The following CHN2 variants were observed in gnomAD, a reference collection of about 807,000 sequenced individuals.
The protein encoded by CHN2 is chimerin 2.
CHN2 carries 35 observed loss-of-function variants against 56.3 expected under a neutral mutation model. That is an observed-to-expected ratio of 0.62 (90% CI 0.47 to 0.82). The LOEUF (loss-of-function observed/expected upper bound fraction) is 0.82, where lower values mean the gene tolerates loss of function less well. Ranked by LOEUF, CHN2 falls within the 40% of genes least tolerant of loss-of-function variation. CHN2 has a pLI of 0.00. For missense variants in CHN2, 491 were observed against 580.5 expected (o/e 0.85, Z 1.58); for synonymous variants, 210 against 212.8 (o/e 0.99, Z 0.12).
At chr7:29,326,840 G>C (rs1225174952) in intron 1 of CHN2, among the ~76,000 whole-genome samples, 1 of 152,174 alleles carries the variant, frequency 6.6e-6, no homozygotes, top group Non-Finnish European at 1.5e-5. Context: ...GGATGAATAT[G>C]TACTGATAAT....
chr7:29,491,874 A>AT (rs908283292), intron 7 of CHN2, among the ~76,000 whole-genome samples: 4 of 152,008 alleles, frequency 2.6e-5, no homozygotes, highest in Non-Finnish European at 5.9e-5. Context: ...CTTCCATGTC[A>AT]TTTTTTTACC....
intron 6 of CHN2, among the ~76,000 whole-genome samples, chr7:29,451,542 A>G (rs1418235766): frequency 6.6e-6 from 1 of 151,896 alleles, no homozygotes; most frequent in African/African-American, 2.4e-5. Flanking sequence ...CAATGTTTTT[A>G]AAATAAATTT....
intron 6 of CHN2, among the ~76,000 whole-genome samples, chr7:29,469,920 G>A (rs1785888005): frequency 6.6e-6 from 1 of 152,156 alleles, no homozygotes; most frequent in South Asian, 2.1e-4. Context: ...AAGAGAGAAA[G>A]GAAGGAAGCA....
At chr7:29,171,355 G>C (rs1041855037) in intron 2 of CHN2, among the ~76,000 whole-genome samples, 1 of 152,120 alleles carries the variant, frequency 6.6e-6, no homozygotes, top group African/African-American at 2.4e-5. Flanking sequence ...GATTCTGTGG[G>C]GATACAAACC....
At chr7:29,391,704 G>A (rs1370611447) in intron 3 of CHN2, among the ~76,000 whole-genome samples, 5 of 152,166 alleles carry the variant, frequency 3.3e-5, no homozygotes, top group African/African-American at 7.2e-5. Context: ...TTCTCCTTAA[G>A]CGTTTCCCTC....
At chr7:29,161,467 G>A (rs1297009118) in intron 2 of CHN2, among the ~76,000 whole-genome samples, 10 of 151,874 alleles carry the variant, frequency 6.6e-5, no homozygotes, top group African/African-American at 1.2e-4. Context: ...TACTTATCTC[G>A]AACCCCACAT....
At chr7:29,305,118 C>G (rs1443119834) in intron 1 of CHN2, among the ~76,000 whole-genome samples, 1 of 152,132 alleles carries the variant, frequency 6.6e-6, no homozygotes, top group East Asian at 1.9e-4. Flanking sequence ...GGAAGGAGCT[C>G]TAAACAGCCA....
At chr7:29,211,682 A>T (rs1010205051) in intron 1 of CHN2, among the ~76,000 whole-genome samples, 1 of 152,172 alleles carries the variant, frequency 6.6e-6, no homozygotes, top group Admixed American at 6.5e-5. Flanking sequence ...AACTCCAAAG[A>T]TGTAGCAGAT....
At chr7:29,395,976 G>C (rs1801703886) in intron 4 of CHN2, among the ~76,000 whole-genome samples, 1 of 152,000 alleles carries the variant, frequency 6.6e-6, no homozygotes, top group African/African-American at 2.4e-5. Context: ...AACAATAAAT[G>C]CTTGAGGTGA....
At chr7:29,302,230 C>G (rs915209375) in intron 1 of CHN2, among the ~76,000 whole-genome samples, 3 of 152,084 alleles carry the variant, frequency 2.0e-5, no homozygotes, top group African/African-American at 7.2e-5. Context: ...ACCGCTGCTG[C>G]TGCAGCTACT....
chr7:29,227,305 CA>C (rs996954916), intron 1 of CHN2, among the ~76,000 whole-genome samples: 4 of 152,136 alleles, frequency 2.6e-5, no homozygotes, highest in African/African-American at 7.2e-5. Flanking sequence ...GTCACTTTCC[CA>C]ACTCAGTGAT....
intron 7 of CHN2, chr7:29,483,774 G>A (rs1259211644): frequency 1.7e-6 from 2 of 1,144,202 alleles, no homozygotes; most frequent in African/African-American, 1.6e-5. Flanking sequence ...CAACCCCAGA[G>A]GCCCGGCAGT....
At chr7:29,501,094 T>A (rs920665376) in intron 9 of CHN2, among the ~76,000 whole-genome samples, 1 of 127,288 alleles carries the variant, frequency 7.9e-6, no homozygotes, top group African/African-American at 3.1e-5. Flanking sequence ...ATTTTATACA[T>A]ATATATTCAT....
chr7:29,275,514 AAT>A (rs1400573372), intron 1 of CHN2, among the ~76,000 whole-genome samples: 1 of 152,244 alleles, frequency 6.6e-6, no homozygotes, highest in Non-Finnish European at 1.5e-5. Context: ...AAAATAAATG[AAT>A]ATATAATAAC....
At chr7:29,278,996 TC>T (rs1554389349) in intron 1 of CHN2, among the ~76,000 whole-genome samples, 11 of 76,180 alleles carry the variant, frequency 1.4e-4, no homozygotes, top group African/African-American at 2.9e-4. Context: ...GGTCCAGCTG[TC>T]CCCCCCCAAC....
At position 29,220,414 on chromosome 7, in the gene CHN2, G is replaced by A. The variant is rs374653998; in HGVS notation, c.49+25424G>A. Among the ~76,000 whole-genome samples the A allele has an allele frequency of 1.5e-3, 232 of 151,750 alleles. 1 individual carries two copies. Among genetic ancestry groups the A allele is most frequent in the African/African-American group, 5.3e-3 (218 of 41,382 alleles). On this transcript the variant is annotated intron_variant, in intron 1 of 12. Transcript: ENST00000222792. ...GATTAATATAATTGATACATCTCTA[G>A]CAAACCAATCAAGGAAAAAAGAAGA...
chr7:29,321,311 A>T (rs985045780), intron 1 of CHN2, among the ~76,000 whole-genome samples: 30 of 152,266 alleles, frequency 2.0e-4, no homozygotes, highest in Non-Finnish European at 4.3e-4. Flanking sequence ...ATAGAGTGAA[A>T]ATGGAGACTC....
In CHN2 at chr7:29,513,998, AGAT is replaced by A. The variant is rs1380665828; in HGVS notation, c.*1267_*1269del. 1 of 152,644 alleles carries A rather than the reference AGAT, an allele frequency of 6.6e-6. No homozygotes were observed. The highest frequency in any genetic ancestry group is 1.5e-5 in the Non-Finnish European group (1 of 68,042). The allele number at this position is 152,644 out of a possible 1,614,324, so 9.5% of individuals were successfully genotyped here. A position where few individuals can be genotyped will look rare whatever the true frequency, so the allele number is the denominator to read the frequency against. On this transcript the variant is annotated 3_prime_UTR_variant, in exon 13 of 13. Coordinates refer to ENST00000222792, the MANE Select transcript of CHN2 (RefSeq NM_004067.4). Reference sequence around the variant, plus strand: ...ACTGCAATGTCTTTTCCTTTGATTGAGATGATTTGTGTAAACTCACCAGTCTTG... The same window carrying A: ...ACTGCAATGTCTTTTCCTTTGATTGAGATTTGTGTAAACTCACCAGTCTTG...
intron 1 of CHN2, among the ~76,000 whole-genome samples, chr7:29,201,374 A>G (rs1319724832): frequency 6.6e-6 from 1 of 151,810 alleles, no homozygotes; most frequent in East Asian, 1.9e-4. Flanking sequence ...TTCCTGGCTC[A>G]TCCTAAAGAG....
Sources: allele counts gnomAD v4.1 joint callset (sites outside exome capture counted in the v4.1 genomes callset), GRCh38; gene constraint gnomAD v4.1.1; transcripts MANE v1.5; gene names NCBI Gene and HGNC (gene_info 2026-07-23, HGNC 2026-07-21).